The following FBXW8 variants were observed in gnomAD, a reference collection of about 807,000 sequenced individuals.
FBXW8 encodes the protein F-box and WD repeat domain containing 8, also known as F-box/WD repeat-containing protein 8.
FBXW8 carries 57 observed loss-of-function variants against 65.3 expected under a neutral mutation model. That is an observed-to-expected ratio of 0.87 (90% CI 0.71 to 1.09). The LOEUF (loss-of-function observed/expected upper bound fraction) is 1.09, where lower values mean the gene tolerates loss of function less well. Among genes scored for constraint, FBXW8 ranks in the 50% least tolerant of loss-of-function variants. The pLI is 0.00. For synonymous variants in FBXW8, 308 were observed against 330.2 expected (o/e 0.93, Z 0.73); for missense variants, 777 against 814.8 (o/e 0.95, Z 0.57).
At chr12:116,972,912 ACCAGGGATGCTTGGAGAAATGGTGGACT>A (rs926909541) in intron 5 of FBXW8, among the ~76,000 whole-genome samples, 6 of 152,192 alleles carry the variant, frequency 3.9e-5, no homozygotes, top group Non-Finnish European at 8.8e-5. Context: ...ACTAAAAGGA[ACCAGGGATGCTTGGAGAAATGGTGGACT>A]CCAGGGATGG....
intron 1 of FBXW8, among the ~76,000 whole-genome samples, chr12:116,917,197 T>A (rs1880498285): frequency 6.6e-6 from 1 of 152,226 alleles, no homozygotes; most frequent in Non-Finnish European, 1.5e-5. Context: ...TTCCAATTTT[T>A]AATTGTTGGT....
In FBXW8 at chr12:117,008,959, C is replaced by G. The variant is rs7975644; in HGVS notation, c.1240-1364C>G. On this transcript the variant is annotated intron_variant, in intron 7 of 10. Transcript: ENST00000652555. The stretch of plus-strand genomic sequence containing the variant: ...GCGGGCGCCTGTAGTCCCACCTACT[C>G]AGGAGGCTGAGGCAGGAGAATCGCT... 2.8e-3 allele frequency among the ~76,000 whole-genome samples: 420 copies of G among 152,254 alleles called. 2 individuals are homozygous for G. The highest frequency in any genetic ancestry group is 9.7e-3 in the African/African-American group (404 of 41,554).
chr12:116,938,224 T>C (rs1287968648), intron 2 of FBXW8, among the ~76,000 whole-genome samples: 1 of 152,178 alleles, frequency 6.6e-6, no homozygotes, highest in Admixed American at 6.5e-5. Flanking sequence ...AAAAGCACCC[T>C]CCTTTTATAG....
intron 5 of FBXW8, among the ~76,000 whole-genome samples, chr12:116,976,157 A>T (rs904418193): frequency 6.6e-6 from 1 of 152,160 alleles, no homozygotes; most frequent in Non-Finnish European, 1.5e-5. Flanking sequence ...ATAAGACTGG[A>T]TTTTTCCCAT....
At chr12:116,971,905 A>G (rs1482308211) in intron 5 of FBXW8, among the ~76,000 whole-genome samples, 1 of 152,176 alleles carries the variant, frequency 6.6e-6, no homozygotes, top group East Asian at 1.9e-4. Flanking sequence ...AATTTTTAGG[A>G]ATCTACAAGC....
intron 2 of FBXW8, among the ~76,000 whole-genome samples, chr12:116,932,597 G>A (rs918629438): frequency 6.6e-5 from 10 of 152,134 alleles, no homozygotes; most frequent in Admixed American, 5.2e-4. Flanking sequence ...GTGCAGTGGC[G>A]CGATCTCGGC....
chr12:116,963,981 C>A (rs1038115003), intron 4 of FBXW8, among the ~76,000 whole-genome samples: 2 of 152,196 alleles, frequency 1.3e-5, no homozygotes, highest in Non-Finnish European at 2.9e-5. Flanking sequence ...ATTCTGTCAT[C>A]CTGGGGGCCT....
chr12:117,006,766 C>T (rs1953686890), intron 7 of FBXW8, among the ~76,000 whole-genome samples: 1 of 152,242 alleles, frequency 6.6e-6, no homozygotes, highest in African/African-American at 2.4e-5. Flanking sequence ...CCCAGCGTCC[C>T]TGCACGTTCA....
At chr12:116,927,255 T>G (rs1200075418) in intron 1 of FBXW8, among the ~76,000 whole-genome samples, 2 of 152,142 alleles carry the variant, frequency 1.3e-5, no homozygotes, top group Admixed American at 1.3e-4. Flanking sequence ...CAGCCTTATC[T>G]CTCAAATAAA....
At chr12:116,971,510 C>T (rs1054753857) in intron 5 of FBXW8, among the ~76,000 whole-genome samples, 2 of 151,976 alleles carry the variant, frequency 1.3e-5, no homozygotes, top group African/African-American at 4.8e-5. Flanking sequence ...GTATTAGGGG[C>T]TGGAGGAAGT....
intron 5 of FBXW8, among the ~76,000 whole-genome samples, chr12:116,975,822 G>A (rs771217044): frequency 1.3e-5 from 2 of 152,174 alleles, no homozygotes; most frequent in Non-Finnish European, 2.9e-5. Flanking sequence ...TGAAGGACAA[G>A]GAATGACTGA....
At chr12:116,949,782 A>C (rs1398897822) in intron 4 of FBXW8, 76 bp downstream of exon 4, 1 of 1,330,050 alleles carries the variant, frequency 7.5e-7, no homozygotes, top group Non-Finnish European at 1.1e-6. Context: ...TCTGAGTACC[A>C]GTGACCTTAG....
At chr12:116,987,914 C>T (rs1885841920) in intron 6 of FBXW8, among the ~76,000 whole-genome samples, 1 of 152,158 alleles carries the variant, frequency 6.6e-6, no homozygotes, top group African/African-American at 2.4e-5. Context: ...TCTCCACCCC[C>T]ACCTTGTACA....
At chr12:116,984,307 C>T (rs1304643812) in intron 5 of FBXW8, among the ~76,000 whole-genome samples, 1 of 152,104 alleles carries the variant, frequency 6.6e-6, no homozygotes, top group Non-Finnish European at 1.5e-5. Context: ...TAATAAGTCG[C>T]CACGTGGTAC....
chr12:116,960,576 G>T lies in FBXW8; in HGVS notation c.678-4121G>T, dbSNP rs143930197. Among the ~76,000 whole-genome samples, 588 of 152,234 alleles carry T rather than the reference G, an allele frequency of 3.9e-3. 2 individuals are homozygous for T. The highest frequency in any genetic ancestry group is 0.012 in the African/African-American group (506 of 41,510). Reference sequence around the variant, plus strand: ...TGTTTTATAGTTTTTATTCAGTTTGGAAATAAGTGGAAGCAGTCTAATGCA... The same window carrying T: ...TGTTTTATAGTTTTTATTCAGTTTGTAAATAAGTGGAAGCAGTCTAATGCA... On this transcript the variant is annotated intron_variant, in intron 4 of 10. Coordinates refer to ENST00000652555, the MANE Select transcript of FBXW8 (RefSeq NM_153348.3).
intron 5 of FBXW8, chr12:116,979,403 T>A (rs1161807197): frequency 6.6e-6 from 1 of 152,272 alleles, no homozygotes; most frequent in Non-Finnish European, 1.5e-5. Context: ...TAATGGCTGT[T>A]ACTGGTCTAG....
Position 117,028,304 on chromosome 12 carries a change from G to C in FBXW8, c.*132G>C. ...GCAGCCCAGGGTGCCATGCCTGACAGCACGCATCTCCCTGACCCCTGCACT... is the reference window on the plus strand; with the variant it reads ...GCAGCCCAGGGTGCCATGCCTGACACCACGCATCTCCCTGACCCCTGCACT... On this transcript the variant is annotated 3_prime_UTR_variant, in exon 11 of 11. Coordinates refer to ENST00000652555, the MANE Select transcript of FBXW8 (RefSeq NM_153348.3). The surrounding 1 kb of genome is among the most constrained non-coding windows in gnomAD (Gnocchi z 4.1). 1 of 1,118,486 alleles carries C rather than the reference G, an allele frequency of 8.9e-7. No individual in the cohort carries two copies. Among genetic ancestry groups the C allele is most frequent in the South Asian group, 1.5e-5 (1 of 65,982 alleles). 69.3% of individuals were successfully genotyped at this position (1,118,486 alleles called of 1,614,324 possible).
At position 116,928,068 on chromosome 12, in the gene FBXW8, G is replaced by A. The variant is rs779200230; in HGVS notation, c.364G>A (p.Glu122Lys). Residue 122 changes from glutamate (E) to lysine (K), a missense_variant, in exon 2 of 11, where the codon GAA becomes AAA. Transcript: ENST00000652555. ...VPFFDIQLPYELAINIFQYLD... is the reference protein window; with the variant it reads ...VPFFDIQLPYKLAINIFQYLD... ...TTTCTTTGATATCCAACTGCCTTAC[G>A]AATTGGCAATCAATATATTTCAGTA... The A allele has an allele frequency of 1.9e-6, 3 of 1,611,554 alleles. No homozygotes were observed. The highest frequency in any genetic ancestry group is 1.7e-5 in the Admixed American group (1 of 59,712).
intron 5 of FBXW8, among the ~76,000 whole-genome samples, chr12:116,975,622 T>C (rs78045829): frequency 0.014 from 2,096 of 152,332 alleles, 49 homozygotes; most frequent in East Asian, 0.091. Flanking sequence ...TAGAGAAAAC[T>C]GGCAGATACC....
Sources: allele counts gnomAD v4.1 joint callset (sites outside exome capture counted in the v4.1 genomes callset), GRCh38; gene constraint gnomAD v4.1.1; non-coding constraint Gnocchi (gnomAD v3.1); transcripts MANE v1.5; gene names NCBI Gene and HGNC (gene_info 2026-07-23, HGNC 2026-07-21).